NIPSNAP3A: variants seen among roughly 807,000 people sequenced by gnomAD.
NIPSNAP3A encodes protein NipSnap homolog 3A.
A neutral mutation model predicts 32.3 loss-of-function variants in NIPSNAP3A; 27 were observed. The ratio of observed to expected loss-of-function variants is 0.84; its 90% CI spans 0.62 to 1.15. The LOEUF is 1.15. Among genes scored for constraint, NIPSNAP3A ranks in the 50% most tolerant of loss-of-function variants. The pLI is 0.00. For missense variants in NIPSNAP3A, 278 were observed against 297.2 expected, an observed-to-expected ratio of 0.94 and a Z score of 0.48; for synonymous variants, 108 against 107.3, an observed-to-expected ratio of 1.01 and a Z score of -0.04.
chr9:104,759,130 G>A lies in NIPSNAP3A; in HGVS notation c.626G>A (p.Gly209Glu), dbSNP rs1451395975. 4 of 1,613,424 alleles carry A rather than the reference G, an allele frequency of 2.5e-6. No individual in the cohort carries two copies. In the Admixed American group the frequency reaches 6.7e-5, roughly 27 times the overall value. The change falls in exon 5 of 6, where the codon GGG becomes GAG. Residue 209 changes from glycine (G) to glutamate (E), a missense_variant. Transcript: ENST00000374767. ...WNESADSRAA[G>E]RHKSHEDPRV... ...GAGAGTGCAGATAGTCGTGCAGCTGGGAGACATAAGTCCCATGAGGATCCC... is the reference window on the plus strand; with the variant it reads ...GAGAGTGCAGATAGTCGTGCAGCTGAGAGACATAAGTCCCATGAGGATCCC...
chr9:104,752,994 C>G lies in NIPSNAP3A; in HGVS notation c.360C>G (p.Leu120=), dbSNP rs769565386. 1 of 1,613,042 alleles carries G rather than the reference C, an allele frequency of 6.2e-7. No individual in the cohort carries two copies. The highest frequency in any genetic ancestry group is 1.1e-5 in the South Asian group (1 of 91,052). Residue 120 remains leucine, a synonymous_variant, in exon 3 of 6, where the codon CTC becomes CTG. Coordinates refer to ENST00000374767, the MANE Select transcript of NIPSNAP3A (RefSeq NM_015469.3). ...QEQFLIPNLA[L]IDKQESEITY... ...AATTCCTCATTCCAAATTTGGCTCT[C>G]ATTGATAAACAAGAGAGTGAGATTA...
intron 4 of NIPSNAP3A, among the ~76,000 whole-genome samples, chr9:104,757,308 C>A (rs10991371): frequency 6.6e-6 from 1 of 152,018 alleles, no homozygotes; most frequent in Non-Finnish European, 1.5e-5. Flanking sequence ...AACTTAAATT[C>A]TACTTTATAT....
intron 1 of NIPSNAP3A, among the ~76,000 whole-genome samples, chr9:104,750,134 G>A (rs1168056816): frequency 6.6e-6 from 1 of 152,044 alleles, no homozygotes; most frequent in East Asian, 1.9e-4. Context: ...CATTATGCCT[G>A]CCAAAAGTTA....
Position 104,752,980 on chromosome 9 carries a change from C to T in NIPSNAP3A, c.346C>T (p.Pro116Ser). The T allele has an allele frequency of 6.2e-7, 1 of 1,613,084 alleles. No homozygotes were observed. Among genetic ancestry groups the T allele is most frequent in the Non-Finnish European group, 8.5e-7 (1 of 1,179,096 alleles). The change falls in exon 3 of 6, where the codon CCA becomes TCA. Residue 116 changes from proline (P) to serine (S), a missense_variant. Coordinates refer to ENST00000374767, the MANE Select transcript of NIPSNAP3A (RefSeq NM_015469.3). ...DKEWQEQFLI[P>S]NLALIDKQES... is the part of the protein sequence containing the mutation. ...GGAATGGCAAGAACAATTCCTCATT[C>T]CAAATTTGGCTCTCATTGATAAACA...
At chr9:104,755,932 A>G in intron 4 of NIPSNAP3A, among the ~76,000 whole-genome samples, 1 of 151,974 alleles carries the variant, frequency 6.6e-6, no homozygotes, top group East Asian at 1.9e-4. Flanking sequence ...AAAAAAAAAA[A>G]GTAACGAAGA....
chr9:104,751,428 G>A (rs956508890), intron 2 of NIPSNAP3A, among the ~76,000 whole-genome samples: 1 of 152,088 alleles, frequency 6.6e-6, no homozygotes, highest in African/African-American at 2.4e-5. Flanking sequence ...CATATATCAA[G>A]CGATAAAATT....
rs114181797 is a variant in NIPSNAP3A, at chr9:104,759,800, C to T, written c.*462C>T. ...GACCAGTAAAATTTATTTTGTAATA[C>T]CAAATAGGATTTAAGAAAATTAACG... On this transcript the variant is annotated 3_prime_UTR_variant, in exon 6 of 6. Transcript: ENST00000374767. 7.0e-5 allele frequency: 11 copies of T among 157,724 alleles called. No homozygotes were observed. The highest frequency in any genetic ancestry group is 2.4e-4 in the African/African-American group (10 of 41,462). The allele number at this position is 157,724 out of a possible 1,614,324, so 9.8% of individuals were successfully genotyped here.
intron 3 of NIPSNAP3A, 149 bp from the exon 4 acceptor site, chr9:104,754,402 T>C (rs530120801): frequency 1.5e-6 from 1 of 655,260 alleles, no homozygotes; most frequent in Non-Finnish European, 2.6e-6. Flanking sequence ...AAGCAGAGAG[T>C]GCAAATATAA....
rs568123525 is a variant in NIPSNAP3A, at chr9:104,759,787, T to C, written c.*449T>C. ...TTGGTTGTTTTTTGACCAGTAAAAT[T>C]TATTTTGTAATACCAAATAGGATTT... On this transcript the variant is annotated 3_prime_UTR_variant, in exon 6 of 6. Coordinates refer to ENST00000374767, the MANE Select transcript of NIPSNAP3A (RefSeq NM_015469.3). 1 of 159,286 alleles carries C rather than the reference T, an allele frequency of 6.3e-6. No homozygotes were observed. Among genetic ancestry groups the C allele is most frequent in the East Asian group, 1.8e-4 (1 of 5,450 alleles). 9.9% of individuals were successfully genotyped at this position (159,286 alleles called of 1,614,324 possible).
chr9:104,748,893 AG>A (rs1439097433), intron 1 of NIPSNAP3A, among the ~76,000 whole-genome samples: 3 of 152,122 alleles, frequency 2.0e-5, no homozygotes, highest in Admixed American at 6.5e-5. Flanking sequence ...GAGATAAGGG[AG>A]GATGGACGAC....
chr9:104,756,522 A>G (rs1827908201), intron 4 of NIPSNAP3A, among the ~76,000 whole-genome samples: 1 of 152,148 alleles, frequency 6.6e-6, no homozygotes, highest in Non-Finnish European at 1.5e-5. Flanking sequence ...ATGAGATGCC[A>G]TTTCTTTACC....
chr9:104,756,157 CTG>C (rs1378886086), intron 4 of NIPSNAP3A, among the ~76,000 whole-genome samples: 4 of 151,912 alleles, frequency 2.6e-5, no homozygotes, highest in South Asian at 4.1e-4. Flanking sequence ...GGAGGAGAAA[CTG>C]TTATGAAAAT....
chr9:104,758,830 CGTGGTG>C, intron 4 of NIPSNAP3A, among the ~76,000 whole-genome samples: 1 of 150,760 alleles, frequency 6.6e-6, no homozygotes, highest in South Asian at 2.1e-4. Context: ...ATTAGCCGGA[CGTGGTG>C]GTGGGCGCCT....
chr9:104,755,262 AC>A (rs1827893345), intron 4 of NIPSNAP3A, among the ~76,000 whole-genome samples: 1 of 151,802 alleles, frequency 6.6e-6, no homozygotes, highest in Admixed American at 6.6e-5. Context: ...AAATGAAGGA[AC>A]CTCAAGAAAT....
chr9:104,748,186 G>C (rs1394977621), intron 1 of NIPSNAP3A, among the ~76,000 whole-genome samples: 1 of 152,166 alleles, frequency 6.6e-6, no homozygotes, highest in Non-Finnish European at 1.5e-5. Context: ...CTATGTCGCG[G>C]CTGCGGCCCA....
Position 104,759,958 on chromosome 9 carries a change from A to G in NIPSNAP3A, c.*620A>G, listed in dbSNP as rs1291501681. The stretch of plus-strand genomic sequence containing the variant: ...TCCTGGTATTAAAAATCTAGAAAAG[A>G]CTTGTTGGTTTATGTGCTGAAATGT... On this transcript the variant is annotated 3_prime_UTR_variant, in exon 6 of 6. Coordinates refer to ENST00000374767, the MANE Select transcript of NIPSNAP3A (RefSeq NM_015469.3). 6.6e-6 allele frequency: 1 copy of G among 152,236 alleles called. No homozygotes were observed. The highest frequency in any genetic ancestry group is 1.5e-5 in the Non-Finnish European group (1 of 68,042). The allele number at this position is 152,236 out of a possible 1,614,324, so 9.4% of individuals were successfully genotyped here.
chr9:104,759,010 T>G, intron 4 of NIPSNAP3A, 75 bp from the exon 5 acceptor site: 8 of 1,212,862 alleles, frequency 6.6e-6, no homozygotes, highest in South Asian at 1.3e-5. Flanking sequence ...TAGGATGGGT[T>G]TGATTCATTT....
At chr9:104,753,332 A>G (rs957507746) in intron 3 of NIPSNAP3A, among the ~76,000 whole-genome samples, 1 of 152,208 alleles carries the variant, frequency 6.6e-6, no homozygotes, top group Non-Finnish European at 1.5e-5. Flanking sequence ...CATGGTCAGT[A>G]GAGGTTGAGA....
intron 3 of NIPSNAP3A, 184 bp from the exon 4 acceptor site, chr9:104,754,367 A>T (rs569733964): frequency 1.8e-6 from 1 of 561,476 alleles, no homozygotes; most frequent in African/African-American, 1.9e-5. Flanking sequence ...ACTCTTAAAC[A>T]TGGGCAAGGA....
Sources: gnomAD v4.1 joint callset for allele counts (sites outside exome capture counted in the v4.1 genomes callset) on GRCh38, gnomAD v4.1.1 for gene constraint, MANE v1.5 for transcripts, NCBI Gene and HGNC (gene_info 2026-07-23, HGNC 2026-07-21) for gene names.